Variants in BNIP3L observed in about 807,000 individuals in gnomAD.
BNIP3L encodes BCL2/adenovirus E1B 19 kDa protein-interacting protein 3-like.
A neutral mutation model predicts 25.5 loss-of-function variants in BNIP3L; 10 were observed. That is an observed-to-expected ratio of 0.39 (90% CI 0.24 to 0.67). The LOEUF is 0.67. BNIP3L is among the 30% of genes least tolerant of loss of function. The pLI is 0.45. For synonymous variants in BNIP3L, 113 were observed against 101.2 expected, an observed-to-expected ratio of 1.12 and a Z score of -0.70; for missense variants, 215 against 270.9, an observed-to-expected ratio of 0.79 and a Z score of 1.45.
chr8:26,383,277 C>T, intron 1 of BNIP3L, 47 bp downstream of exon 1: 2 of 1,567,096 alleles, frequency 1.3e-6, no homozygotes, highest in Non-Finnish European at 1.7e-6. Flanking sequence ...GGAGGAGGAG[C>T]AGCCCCGGCC....
intron 3 of BNIP3L, among the ~76,000 whole-genome samples, chr8:26,405,872 G>T (rs954438775): frequency 1.3e-5 from 2 of 151,992 alleles, no homozygotes; most frequent in African/African-American, 4.8e-5. Context: ...GTGAAACCCC[G>T]TCTCTACGAA....
Position 26,383,196 on chromosome 8 carries a change from T to C in BNIP3L, c.66T>C (p.Asn22=). 1.2e-6 allele frequency: 2 copies of C among 1,612,148 alleles called. No individual in the cohort carries two copies. The highest frequency in any genetic ancestry group is 8.5e-7 in the Non-Finnish European group (1 of 1,179,634). ...ACAACAACAACAACTGCGAGGAAAA[T>C]GAGCAGTCTCTGCCCCCGCCGGCCG... The part of the protein sequence containing the change: ...LHNNNNNCEE[N]EQSLPPPAGL... The change falls in exon 1 of 6, where the codon AAT becomes AAC. Residue 22 remains asparagine (N), a synonymous_variant. Transcript: ENST00000380629.
chr8:26,398,613 T>A (rs1806300045), intron 3 of BNIP3L, among the ~76,000 whole-genome samples: 2 of 127,618 alleles, frequency 1.6e-5, no homozygotes, highest in Non-Finnish European at 3.3e-5. Context: ...AGGCAAGAAA[T>A]AACTAAAATC....
At chr8:26,390,493 A>G (rs2117468551) in intron 1 of BNIP3L, 15 of 985,464 alleles carry the variant, frequency 1.5e-5, no homozygotes, top group Non-Finnish European at 1.8e-5. Flanking sequence ...CGTGGGAGAG[A>G]AAAGAAAAAA....
At chr8:26,410,301 T>C (rs541129249) in intron 5 of BNIP3L, 63 bp from the exon 6 acceptor site, 1 of 1,592,178 alleles carries the variant, frequency 6.3e-7, no homozygotes, top group East Asian at 2.2e-5. Flanking sequence ...GAGTTCAACC[T>C]GTGGACAAGC....
chr8:26,393,322 G>T (rs994112034), intron 2 of BNIP3L, among the ~76,000 whole-genome samples: 1 of 149,276 alleles, frequency 6.7e-6, no homozygotes, highest in African/African-American at 2.5e-5. Flanking sequence ...TGCCGCAGGG[G>T]TTGTTAGCTG....
rs561480107 is a variant in BNIP3L at position 26,405,441 on chromosome 8, G to GT, written c.358-2558dup. ...GGAGCTTAATCCTAAATGCTACATT[G>GT]TGTCATTCAGTGGAATTTGCCAAGT... On this transcript the variant is annotated intron_variant, in intron 3 of 5. Transcript: ENST00000380629. Among the ~76,000 whole-genome samples, 227 of 152,316 alleles carry GT rather than the reference G, an allele frequency of 1.5e-3. 2 individuals are homozygous for GT. The highest frequency in any genetic ancestry group is 4.8e-3 in the African/African-American group (199 of 41,560).
intron 2 of BNIP3L, among the ~76,000 whole-genome samples, chr8:26,391,852 T>A (rs1272680243): frequency 1.3e-5 from 2 of 152,212 alleles, no homozygotes; most frequent in Non-Finnish European, 2.9e-5. Context: ...GGGCCATGTT[T>A]AATTTTTATT....
chr8:26,397,870 CAAAG>C (rs1199368188), intron 3 of BNIP3L, among the ~76,000 whole-genome samples: 2 of 29,156 alleles, frequency 6.9e-5, no homozygotes, highest in Non-Finnish European at 6.8e-5. Context: ...TCAAAAGAGA[CAAAG>C]AAGGCCATTA....
chr8:26,408,084 C>T lies in BNIP3L; in HGVS notation c.442C>T (p.Pro148Ser). ...ADWVSDWSSR[P>S]ENIPPKEFHF... is the part of the protein sequence containing the mutation. ...CTGGGTATCAGACTGGTCCAGTAGACCCGAAAACATTCCACCCAAGTGAGT... is the reference window on the plus strand; with the variant it reads ...CTGGGTATCAGACTGGTCCAGTAGATCCGAAAACATTCCACCCAAGTGAGT... Residue 148 changes from proline (P) to serine (S), a missense_variant, in exon 4 of 6, where the codon CCC (proline) becomes TCC (serine). Physicochemically the swap from Pro to Ser is moderately conservative, Grantham distance 74. Around this residue, in one of 4 missense-constraint regions of BNIP3L, gnomAD observed 63 missense variants for 98.8 expected, o/e 0.64. Coordinates refer to ENST00000380629, the MANE Select transcript of BNIP3L (RefSeq NM_004331.3). 6.2e-7 allele frequency: 1 copy of T among 1,614,168 alleles called. No individual in the cohort carries two copies. The highest frequency in any genetic ancestry group is 8.5e-7 in the Non-Finnish European group (1 of 1,180,026).
chr8:26,402,622 C>T (rs561492442), intron 3 of BNIP3L, among the ~76,000 whole-genome samples: 9 of 152,282 alleles, frequency 5.9e-5, no homozygotes, highest in African/African-American at 2.2e-4. Flanking sequence ...CCAGTTCCTG[C>T]AGTAAAGAAA....
intron 3 of BNIP3L, among the ~76,000 whole-genome samples, chr8:26,399,267 A>AAG (rs1806316414): frequency 1.5e-5 from 1 of 66,892 alleles, no homozygotes; most frequent in African/African-American, 7.0e-5. Context: ...TTCAATATAC[A>AAG]CAAATCAATA....
chr8:26,393,923 A>G (rs768332877), intron 2 of BNIP3L, among the ~76,000 whole-genome samples: 69 of 152,294 alleles, frequency 4.5e-4, no homozygotes, highest in Non-Finnish European at 8.2e-4. Flanking sequence ...TCCTAGGCCT[A>G]ATCTGTCTGA....
At chr8:26,406,845 T>G (rs1806511396) in intron 3 of BNIP3L, among the ~76,000 whole-genome samples, 3 of 152,202 alleles carry the variant, frequency 2.0e-5, no homozygotes, top group African/African-American at 7.2e-5. Flanking sequence ...GTAACATGCT[T>G]GGAATAATAT....
At chr8:26,383,739 C>A (rs139715296) in intron 1 of BNIP3L, among the ~76,000 whole-genome samples, 4,441 of 151,852 alleles carry the variant, frequency 0.029, 79 homozygotes, top group Middle Eastern at 0.062. Flanking sequence ...GGCGCGGGAG[C>A]CCCCCAGCGA....
chr8:26,389,790 G>A (rs1806065344), intron 1 of BNIP3L, among the ~76,000 whole-genome samples: 1 of 152,176 alleles, frequency 6.6e-6, no homozygotes, highest in Non-Finnish European at 1.5e-5. Flanking sequence ...TCCCAGCTAG[G>A]TCTGCCTTGG....
rs546824205 is a variant in BNIP3L, at chr8:26,409,231, C to CT, written c.611+862dup. ...TTAGCCACATCTTTTAAATAAATTGCTTTTTTTCCTTGATTTAAACAATTG... is the reference window on the plus strand; with the variant it reads ...TTAGCCACATCTTTTAAATAAATTGCTTTTTTTTCCTTGATTTAAACAATTG... On this transcript the variant is annotated intron_variant, in intron 5 of 5. Transcript: ENST00000380629. Among the ~76,000 whole-genome samples, 16 of 151,954 alleles carry CT rather than the reference C, an allele frequency of 1.1e-4. No homozygotes were observed. In the East Asian group the frequency reaches 3.1e-3, roughly 29 times the overall value.
Position 26,391,261 on chromosome 8 carries a change from C to A in BNIP3L, c.119C>A (p.Pro40His), listed in dbSNP as rs530744465. ...AGLNSSWVEL[P>H]MNSSNGNDNG... is the part of the protein sequence containing the mutation. ...CCAACAGGTTCCTGGGTGGAGCTAC[C>A]CATGAACAGCAGCAATGGCAATGAT... Residue 40 changes from proline to histidine, a missense_variant, in exon 2 of 6, where the codon CCC (proline) becomes CAC (histidine). Around this residue, in one of 4 missense-constraint regions of BNIP3L, gnomAD observed 69 missense variants for 53.6 expected, o/e 1.29. Coordinates refer to ENST00000380629, the MANE Select transcript of BNIP3L (RefSeq NM_004331.3). 2.4e-4 allele frequency: 388 copies of A among 1,608,284 alleles called. 7 individuals carry two copies. In the South Asian group the frequency reaches 4.1e-3, roughly 17 times the overall value.
intron 1 of BNIP3L, among the ~76,000 whole-genome samples, chr8:26,385,755 A>C (rs1477230371): frequency 6.6e-6 from 1 of 152,208 alleles, no homozygotes; most frequent in Non-Finnish European, 1.5e-5. Flanking sequence ...CTCAGCCTGC[A>C]TGGGACATCA....
Sources: allele counts gnomAD v4.1 joint callset (sites outside exome capture counted in the v4.1 genomes callset), GRCh38; gene constraint gnomAD v4.1.1; regional missense constraint gnomAD v4.1.1; transcripts MANE v1.5; gene names NCBI Gene and HGNC (gene_info 2026-07-23, HGNC 2026-07-21).